CDH5: variants seen among roughly 807,000 people sequenced by gnomAD.
CDH5 encodes cadherin-5.
A neutral mutation model predicts 62.0 loss-of-function variants in CDH5; 28 were observed. The observed-to-expected ratio is 0.45, with a 90% CI of 0.33 to 0.62. The LOEUF (loss-of-function observed/expected upper bound fraction) is 0.62. Among genes scored for constraint, CDH5 ranks in the 20% least tolerant of loss-of-function variants. The pLI is 0.02. For synonymous variants in CDH5, 464 were observed against 445.8 expected, an observed-to-expected ratio of 1.04 and a Z score of -0.52; for missense variants, 940 against 1,065.1, an observed-to-expected ratio of 0.88 and a Z score of 1.63.
intron 1 of CDH5, among the ~76,000 whole-genome samples, chr16:66,371,814 C>A (rs1415464769): frequency 6.6e-6 from 1 of 152,118 alleles, no homozygotes; most frequent in Admixed American, 6.5e-5. Flanking sequence ...GCTGGACCAG[C>A]CCATTGAGGG....
intron 1 of CDH5, among the ~76,000 whole-genome samples, chr16:66,370,145 C>T (rs565814980): frequency 6.6e-6 from 1 of 152,258 alleles, no homozygotes; most frequent in African/African-American, 2.4e-5. Flanking sequence ...GGATTACAGG[C>T]ATGTGCTACC....
At chr16:66,401,779 A>C (rs964337160) in intron 11 of CDH5, among the ~76,000 whole-genome samples, 2 of 152,120 alleles carry the variant, frequency 1.3e-5, no homozygotes, top group Admixed American at 6.5e-5. Flanking sequence ...CCACCGGGGG[A>C]GCACAGTGAT....
rs372201751 is a variant in CDH5, at chr16:66,388,693, G to A, written c.616+253G>A. ...ATCAGGATCTTGTTACCCAAGAAGT[G>A]GCCAAGGGGCAGCAGAGGATGGTGG... On this transcript the variant is annotated intron_variant, in intron 4 of 11. Coordinates refer to ENST00000341529, the MANE Select transcript of CDH5 (RefSeq NM_001795.5). Among the ~76,000 whole-genome samples the A allele has an allele frequency of 1.4e-4, 22 of 152,314 alleles. No homozygotes were observed. In the East Asian group the frequency reaches 3.9e-3, roughly 27 times the overall value.
At chr16:66,396,885 A>T (rs1227776651) in intron 8 of CDH5, among the ~76,000 whole-genome samples, 2 of 151,968 alleles carry the variant, frequency 1.3e-5, no homozygotes, top group African/African-American at 4.8e-5. Flanking sequence ...ACCCAGACTC[A>T]CTTCTGCCAA....
intron 7 of CDH5, chr16:66,395,503 C>CTTTTTTTTTTTTTTTTTTTTTTGTTTTT (rs56675642): frequency 1.2e-5 from 1 of 80,956 alleles, no homozygotes; most frequent in Non-Finnish European, 2.2e-5. Flanking sequence ...CTTTTCTTTT[C>CTTTTTTTTTTTTTTTTTTTTTTGTTTTT]TTTTTTTTTT....
chr16:66,374,033 C>T (rs190944788), intron 1 of CDH5, among the ~76,000 whole-genome samples: 1 of 152,242 alleles, frequency 6.6e-6, no homozygotes. Flanking sequence ...GAAAGACAGC[C>T]TAAGTTCAAA....
rs771651954 is a variant in CDH5, at chr16:66,388,430, C to T, written c.606C>T (p.Ile202=). 19 of 1,603,682 alleles carry T rather than the reference C, an allele frequency of 1.2e-5. No homozygotes were observed. Among genetic ancestry groups the T allele is most frequent in the Admixed American group, 3.3e-5 (2 of 59,972 alleles). The change falls in exon 4 of 12, where the codon ATC becomes ATT. Residue 202 remains isoleucine (I), a synonymous_variant. Transcript: ENST00000341529. ...QILKGKEYFA[I]DNSGRIITIT... ...TGAAGGGGAAAGAGTATTTTGCCAT[C>T]GATAATTCTGGTCTGTGTGACTAAC...
At chr16:66,387,678 G>A (rs574359051) in intron 3 of CDH5, among the ~76,000 whole-genome samples, 3 of 152,218 alleles carry the variant, frequency 2.0e-5, no homozygotes, top group African/African-American at 7.2e-5. Context: ...GTCAGGACTA[G>A]CACACCAAGA....
At position 66,400,975 on chromosome 16, in the gene CDH5, A is replaced by G; in HGVS notation, c.1796A>G (p.Gln599Arg). ...DMAAQVGVSI[Q>R]AVVAILLCIL... The stretch of plus-strand genomic sequence containing the variant: ...GCCGCCCAGGTGGGCGTGAGCATCC[A>G]GGCAGTGGTAGCCATCTTACTCTGC... Residue 599 changes from glutamine (Q) to arginine (R), a missense_variant, in exon 11 of 12, where the codon CAG becomes CGG. Coordinates refer to ENST00000341529, the MANE Select transcript of CDH5 (RefSeq NM_001795.5). 1 of 1,614,110 alleles carries G rather than the reference A, an allele frequency of 6.2e-7. No individual in the cohort carries two copies. The highest frequency in any genetic ancestry group is 1.7e-5 in the Admixed American group (1 of 60,028).
chr16:66,367,978 G>A (rs1179653996), intron 1 of CDH5, among the ~76,000 whole-genome samples: 15 of 152,142 alleles, frequency 9.9e-5, no homozygotes, highest in Admixed American at 9.2e-4. Context: ...TGGCCCTTGA[G>A]GTATGGTCAA....
At chr16:66,392,742 C>G (rs1385235392) in intron 7 of CDH5, 1 of 234,528 alleles carries the variant, frequency 4.3e-6, no homozygotes, top group Non-Finnish European at 8.4e-6. Flanking sequence ...AAACTGTATT[C>G]TTGAATCTAT....
At chr16:66,390,170 G>A (rs1393849660) in intron 5 of CDH5, among the ~76,000 whole-genome samples, 1 of 152,254 alleles carries the variant, frequency 6.6e-6, no homozygotes, top group Non-Finnish European at 1.5e-5. Context: ...CCCTAGCAAA[G>A]TGCCTGGCAT....
chr16:66,402,446 A>G (rs1596949574), intron 11 of CDH5, among the ~76,000 whole-genome samples: 1 of 81,136 alleles, frequency 1.2e-5, no homozygotes, highest in Non-Finnish European at 2.4e-5. Context: ...GATGGCGGGG[A>G]TGGGGGTATG....
intron 1 of CDH5, chr16:66,376,194 C>T (rs779903832): frequency 2.6e-5 from 4 of 152,212 alleles, no homozygotes; most frequent in Non-Finnish European, 4.4e-5. Flanking sequence ...AGTTGGTCTA[C>T]ACTACCATCA....
chr16:66,395,018 C>CTTTTTTTTTTTTTTTTTTTTT lies in CDH5; in HGVS notation c.1218-1016_1218-996dup, dbSNP rs1174519256. Among the ~76,000 whole-genome samples the CTTTTTTTTTTTTTTTTTTTTT allele has an allele frequency of 1.0e-3, 14 of 13,804 alleles. 4 individuals carry two copies. The highest frequency in any genetic ancestry group is 1.4e-3 in the Non-Finnish European group (9 of 6,522). The allele number at this position is 13,804 out of a possible 152,430, so 9.1% of individuals were successfully genotyped here. A position where few individuals can be genotyped will look rare whatever the true frequency, so the allele number is the denominator to read the frequency against. On this transcript the variant is annotated intron_variant, in intron 7 of 11. Coordinates refer to ENST00000341529, the MANE Select transcript of CDH5 (RefSeq NM_001795.5). ...GCACACACCACCACACCAGGCTAAT[C>CTTTTTTTTTTTTTTTTTTTTT]TTTTTTTTTTTTTTTTTTTTTTTTT...
At chr16:66,402,500 GGATGGGGTT>G in intron 11 of CDH5, 143 bp from the exon 12 acceptor site, 2 of 625,368 alleles carry the variant, frequency 3.2e-6, no homozygotes, top group Non-Finnish European at 5.3e-6. Flanking sequence ...GGGGCCAAAA[GGATGGGGTT>G]GCAGGGGAAG....
At chr16:66,381,618 A>C (rs1960899940) in intron 2 of CDH5, among the ~76,000 whole-genome samples, 1 of 152,180 alleles carries the variant, frequency 6.6e-6, no homozygotes, top group Non-Finnish European at 1.5e-5. Context: ...TAGAGAAAGG[A>C]AGGACCATTC....
chr16:66,386,902 G>C lies in CDH5; in HGVS notation c.304G>C (p.Val102Leu). Residue 102 changes from valine (V) to leucine (L), a missense_variant, in exon 3 of 12, where the codon GTG (valine) becomes CTG (leucine). Val to Leu is a conservative substitution (Grantham distance 32). Transcript: ENST00000341529. ...CCGGGTCGATGCAGAGACAGGAGAC[G>C]TGTTCGCCATTGAGAGGCTGGACCG... is the stretch of plus-strand genomic sequence containing the variant. ...VFRVDAETGD[V>L]FAIERLDREN... 1 of 1,614,224 alleles carries C rather than the reference G, an allele frequency of 6.2e-7. No individual in the cohort carries two copies. The highest frequency in any genetic ancestry group is 2.2e-5 in the East Asian group (1 of 44,884).
intron 2 of CDH5, among the ~76,000 whole-genome samples, chr16:66,381,249 C>T (rs1214524549): frequency 6.6e-6 from 1 of 152,168 alleles, no homozygotes; most frequent in Admixed American, 6.5e-5. Context: ...TCCACAACAC[C>T]TGTAATGAGG....
Sources: gnomAD v4.1 joint callset for allele counts (sites outside exome capture counted in the v4.1 genomes callset) on GRCh38, gnomAD v4.1.1 for gene constraint, MANE v1.5 for transcripts, NCBI Gene and HGNC (gene_info 2026-07-23, HGNC 2026-07-21) for gene names.